Variants in CDHR3 observed in about 807,000 individuals in gnomAD.
The protein encoded by CDHR3 is cadherin related family member 3, also known as cadherin-related family member 3.
Under a neutral mutation model 86.6 loss-of-function variants are expected in CDHR3, and 79 were observed. The observed-to-expected ratio is 0.91, with a 90% CI of 0.76 to 1.10. CDHR3 has a LOEUF of 1.10. Ranked by LOEUF, CDHR3 falls within the 50% of genes least tolerant of loss-of-function variation. The pLI is 0.00. For synonymous variants in CDHR3, 421 were observed against 402.4 expected (o/e 1.05, Z -0.55); for missense variants, 1,081 against 1,077.6 (o/e 1.00, Z -0.04).
At chr7:105,967,271 C>T (rs891781890) in intron 1 of CDHR3, among the ~76,000 whole-genome samples, 5 of 152,280 alleles carry the variant, frequency 3.3e-5, no homozygotes. Context: ...CATGTCCCTG[C>T]AAAGGACATG....
chr7:106,023,680 C>A (rs1836921657), intron 14 of CDHR3, among the ~76,000 whole-genome samples: 1 of 152,224 alleles, frequency 6.6e-6, no homozygotes, highest in Non-Finnish European at 1.5e-5. Context: ...TTCTCAGAGT[C>A]TTGCCAGGAG....
chr7:105,980,622 A>ATTTTTTTTTT (rs1563239016), intron 2 of CDHR3, among the ~76,000 whole-genome samples: 1 of 28,138 alleles, frequency 3.6e-5, no homozygotes, highest in Non-Finnish European at 7.3e-5. Flanking sequence ...TTTTTTTTTT[A>ATTTTTTTTTT]ATTTTTTTTT....
intron 8 of CDHR3, among the ~76,000 whole-genome samples, chr7:106,009,938 G>T (rs1364565207): frequency 6.6e-6 from 1 of 152,230 alleles, no homozygotes; most frequent in Non-Finnish European, 1.5e-5. Flanking sequence ...GGGAGCGAGG[G>T]CAGCTCGCTT....
intron 12 of CDHR3, among the ~76,000 whole-genome samples, chr7:106,019,461 T>C (rs1836206662): frequency 6.6e-6 from 1 of 152,078 alleles, no homozygotes. Flanking sequence ...TTCAATTTAT[T>C]CCCGGGCTCA....
At chr7:105,975,069 G>A (rs1243331047) in intron 2 of CDHR3, 23 bp downstream of exon 2, 2 of 1,569,020 alleles carry the variant, frequency 1.3e-6, no homozygotes, top group Non-Finnish European at 1.8e-6. Context: ...TTACCAACAT[G>A]AGTGTTGCCT....
At chr7:105,996,453 C>A in intron 6 of CDHR3, 99 bp downstream of exon 6, 1 of 621,340 alleles carries the variant, frequency 1.6e-6, no homozygotes, top group South Asian at 2.1e-5. Context: ...AGAGGGATGC[C>A]CTTTGCTGTG....
At chr7:105,984,117 A>AGCT in intron 3 of CDHR3, 75 bp from the exon 4 acceptor site, 1 of 836,234 alleles carries the variant, frequency 1.2e-6, no homozygotes, top group East Asian at 2.8e-5. Context: ...GGTTGTGTAC[A>AGCT]GCTGCCTTGA....
intron 8 of CDHR3, among the ~76,000 whole-genome samples, chr7:106,009,753 C>A (rs915773310): frequency 3.3e-5 from 5 of 152,222 alleles, no homozygotes; most frequent in Non-Finnish European, 7.3e-5. Flanking sequence ...AGCCCAGGGC[C>A]CGACGGAGGC....
At chr7:105,975,146 G>A (rs1828602500) in intron 2 of CDHR3, 100 bp downstream of exon 2, 2 of 1,032,544 alleles carry the variant, frequency 1.9e-6, no homozygotes. Context: ...CCTCCATCTG[G>A]TTTAATCTTC....
chr7:106,007,814 T>C (rs187561629), intron 8 of CDHR3, among the ~76,000 whole-genome samples: 2 of 152,324 alleles, frequency 1.3e-5, no homozygotes, highest in Admixed American at 6.5e-5. Flanking sequence ...TTCCACATTT[T>C]CAGGTATCTA....
At chr7:106,022,609 G>C (rs1836748542) in intron 14 of CDHR3, among the ~76,000 whole-genome samples, 161 bp downstream of exon 14, 1 of 152,106 alleles carries the variant, frequency 6.6e-6, no homozygotes, top group South Asian at 2.1e-4. Context: ...GTAGCTGCAG[G>C]GTGGCAAAAA....
chr7:106,015,965 G>A lies in CDHR3; in HGVS notation c.1366G>A (p.Glu456Lys), dbSNP rs267601220. ...YVYILTSPEN[E>K]FPLIFDRPSY... is the part of the protein sequence containing the mutation. ...TTATATCCTAACAAGCCCAGAAAAT[G>A]AGTTTCCTCTCATTTTTGATAGGCC... The change falls in exon 11 of 19, where the codon GAG becomes AAG. Residue 456 changes from glutamate to lysine, a missense_variant. Physicochemically the swap from Glu to Lys is moderately conservative, Grantham distance 56. Coordinates refer to ENST00000317716, the MANE Select transcript of CDHR3 (RefSeq NM_152750.5). The A allele has an allele frequency of 6.2e-7, 1 of 1,613,230 alleles. No homozygotes were observed. Among genetic ancestry groups the A allele is most frequent in the Non-Finnish European group, 8.5e-7 (1 of 1,179,514 alleles).
intron 8 of CDHR3, 26 bp from the exon 9 acceptor site, chr7:106,012,834 A>T (rs1360358377): frequency 6.4e-7 from 1 of 1,569,366 alleles, no homozygotes; most frequent in Admixed American, 1.9e-5. Context: ...TATTGGGGGA[A>T]ATACTGGATT....
At chr7:106,023,577 G>A (rs1361049000) in intron 14 of CDHR3, among the ~76,000 whole-genome samples, 2 of 152,086 alleles carry the variant, frequency 1.3e-5, no homozygotes, top group East Asian at 1.9e-4. Flanking sequence ...CCTAGTAGAA[G>A]CTGCACCCCT....
At chr7:106,022,532 G>A (rs1456138296) in intron 14 of CDHR3, 84 bp downstream of exon 14, 6 of 1,544,690 alleles carry the variant, frequency 3.9e-6, no homozygotes, top group Non-Finnish European at 5.3e-6. Context: ...CTGGAGGTAT[G>A]TGGGGTGGAC....
chr7:106,029,915 T>C (rs1838073788), intron 17 of CDHR3, among the ~76,000 whole-genome samples: 1 of 152,216 alleles, frequency 6.6e-6, no homozygotes, highest in Non-Finnish European at 1.5e-5. Flanking sequence ...TAAATTAGTC[T>C]ATTAAATAAA....
chr7:105,991,207 GC>G (rs1831301218), intron 4 of CDHR3, among the ~76,000 whole-genome samples: 1 of 152,278 alleles, frequency 6.6e-6, no homozygotes, highest in South Asian at 2.1e-4. Context: ...GATTAAACAA[GC>G]CTTTAAAAAG....
At chr7:105,979,476 C>A (rs1274309214) in intron 2 of CDHR3, among the ~76,000 whole-genome samples, 1 of 152,196 alleles carries the variant, frequency 6.6e-6, no homozygotes, top group Non-Finnish European at 1.5e-5. Flanking sequence ...CAATGTCCAA[C>A]ATAATACCTA....
At chr7:105,986,376 T>C (rs1289624344) in intron 4 of CDHR3, among the ~76,000 whole-genome samples, 4 of 152,136 alleles carry the variant, frequency 2.6e-5, no homozygotes, top group Admixed American at 2.6e-4. Context: ...GAAACAGAGA[T>C]GAGTAGGACA....
Sources: gnomAD v4.1 joint callset for allele counts (sites outside exome capture counted in the v4.1 genomes callset) on GRCh38, gnomAD v4.1.1 for gene constraint, MANE v1.5 for transcripts, NCBI Gene and HGNC (gene_info 2026-07-23, HGNC 2026-07-21) for gene names.